The following OR5H6 variants were observed in gnomAD, a reference collection of about 807,000 sequenced individuals.
OR5H6 encodes olfactory receptor family 5 subfamily H member 6.
For missense variants in OR5H6, 429 were observed against 358.1 expected (o/e 1.20, Z -1.60); for synonymous variants, 151 against 127.7 (o/e 1.18, Z -1.23).
At position 98,265,251 on chromosome 3, in the gene OR5H6, A is replaced by G. The variant is rs759256270; in HGVS notation, c.919A>G (p.Ser307Gly). ...AGCTTCATTCACAAAAATGTTCAAA[A>G]GCAATGTTTAGATCTCATACAATCT... Reference protein sequence around the residue: ...VIASFTKMFKSNV With the variant: ...VIASFTKMFKGNV The change falls in exon 1 of 1, where the codon AGC (serine) becomes GGC (glycine). Residue 307 changes from serine (S) to glycine (G), a missense_variant. Ser to Gly is a moderately conservative substitution (Grantham distance 56, BLOSUM62 0). Transcript: ENST00000615035. 56 of 1,580,554 alleles carry G rather than the reference A, an allele frequency of 3.5e-5. No individual in the cohort carries two copies. Among genetic ancestry groups the G allele is most frequent in the Non-Finnish European group, 4.5e-5 (53 of 1,166,158 alleles).
chr3:98,265,198 T>TTTA lies in OR5H6; in HGVS notation c.866_867insTTA (p.Tyr290dup). The TTTA allele has an allele frequency of 6.2e-7, 1 of 1,605,916 alleles. No individual in the cohort carries two copies. Among genetic ancestry groups the TTTA allele is most frequent in the Non-Finnish European group, 8.5e-7 (1 of 1,177,306 alleles). On this transcript the variant is annotated inframe_insertion, in exon 1 of 1. Transcript: ENST00000615035. ...ATAGTTCCTTTATTAAATCCCATGA[T>TTTA]CTACAGCCTGAGAAACAAGCAAGTA...
chr3:98,264,282 C>T lies in OR5H6; in HGVS notation c.-51C>T, dbSNP rs1705845937. On this transcript the variant is annotated 5_prime_UTR_variant, in exon 1 of 1. Transcript: ENST00000615035. ...CCAATTTCAACTCACAATTCCATTGCAAATGTTCCTTTACCTTTGCTTCAT... is the reference window on the plus strand; with the variant it reads ...CCAATTTCAACTCACAATTCCATTGTAAATGTTCCTTTACCTTTGCTTCAT... 2.5e-6 allele frequency: 4 copies of T among 1,604,006 alleles called. No individual in the cohort carries two copies. The East Asian group carries it at 8.9e-5, about 36-fold the overall frequency.
rs375309853 is a variant in OR5H6 at position 98,264,642 on chromosome 3, C to T, written c.310C>T (p.Leu104Phe). 9.5e-6 allele frequency: 15 copies of T among 1,578,710 alleles called. No homozygotes were observed. In the Admixed American group the frequency reaches 1.9e-4, roughly 20 times the overall value. ...TGAATGCATGGTACAATTTTTTTCC[C>T]TTGTAACCACTGTAACCACAGAATG... ...LSECMVQFFS[L>F]VTTVTTECFL... The change falls in exon 1 of 1, where the codon CTT (leucine) becomes TTT (phenylalanine). Residue 104 changes from leucine to phenylalanine, a missense_variant. Leu to Phe is a conservative substitution (Grantham distance 22). Coordinates refer to ENST00000615035, the MANE Select transcript of OR5H6 (RefSeq NM_001005479.2).
chr3:98,265,300 T>C lies in OR5H6; in HGVS notation c.*38T>C. 6.6e-7 allele frequency: 1 copy of C among 1,526,134 alleles called. No homozygotes were observed. The highest frequency in any genetic ancestry group is 8.8e-7 in the Non-Finnish European group (1 of 1,141,120). 94.5% of individuals were successfully genotyped at this position (1,526,134 alleles called of 1,614,324 possible). ...CTCTCTTCTCTATTTACTAAAATTGTCCCAAGATTGTGCAAGTTAGAGGTG... is the reference window on the plus strand; with the variant it reads ...CTCTCTTCTCTATTTACTAAAATTGCCCCAAGATTGTGCAAGTTAGAGGTG... On this transcript the variant is annotated 3_prime_UTR_variant, in exon 1 of 1. Transcript: ENST00000615035.
rs938876985 is a variant in OR5H6, at chr3:98,264,658, C to T, written c.326C>T (p.Thr109Ile). 6.2e-7 allele frequency: 1 copy of T among 1,600,876 alleles called. No homozygotes were observed. Among genetic ancestry groups the T allele is most frequent in the East Asian group, 2.2e-5 (1 of 44,762 alleles). ...VQFFSLVTTVTTECFLLATMA... is the reference protein window; with the variant it reads ...VQFFSLVTTVITECFLLATMA... ...TTTTTTTCCCTTGTAACCACTGTAA[C>T]CACAGAATGTTTTCTCTTGGCAACA... The change falls in exon 1 of 1, where the codon ACC becomes ATC. Residue 109 changes from threonine (T) to isoleucine (I), a missense_variant. Coordinates refer to ENST00000615035, the MANE Select transcript of OR5H6 (RefSeq NM_001005479.2).
Position 98,264,628 on chromosome 3 carries a change from T to C in OR5H6, c.296T>C (p.Val99Ala), listed in dbSNP as rs780137177. ...ATGATATCTCTCTCTGAATGCATGGTACAATTTTTTTCCCTTGTAACCACT... is the reference window on the plus strand; with the variant it reads ...ATGATATCTCTCTCTGAATGCATGGCACAATTTTTTTCCCTTGTAACCACT... ...SKMISLSECM[V>A]QFFSLVTTVT... The change falls in exon 1 of 1, where the codon GTA becomes GCA. Residue 99 changes from valine to alanine, a missense_variant. Val to Ala is a moderately conservative substitution (Grantham distance 64). Coordinates refer to ENST00000615035, the MANE Select transcript of OR5H6 (RefSeq NM_001005479.2). 3 of 1,594,162 alleles carry C rather than the reference T, an allele frequency of 1.9e-6. No homozygotes were observed. The highest frequency in any genetic ancestry group is 1.4e-5 in the African/African-American group (1 of 73,042).
In OR5H6 at chr3:98,264,673, T is replaced by G. The variant is rs1224841135; in HGVS notation, c.341T>G (p.Leu114Arg). ...LVTTVTTECFLLATMAYDRYV... is the reference protein window; with the variant it reads ...LVTTVTTECFRLATMAYDRYV... ...ACCACTGTAACCACAGAATGTTTTC[T>G]CTTGGCAACAATGGCATATGATCGC... Residue 114 changes from leucine (L) to arginine (R), a missense_variant, in exon 1 of 1, where the codon CTC (leucine) becomes CGC (arginine). Leu to Arg is a moderately radical substitution (Grantham distance 102). Transcript: ENST00000615035. 1.2e-6 allele frequency: 2 copies of G among 1,613,130 alleles called. No homozygotes were observed. Among genetic ancestry groups the G allele is most frequent in the African/African-American group, 1.3e-5 (1 of 74,894 alleles).
chr3:98,265,089 G>A lies in OR5H6; in HGVS notation c.757G>A (p.Gly253Ser). The A allele has an allele frequency of 1.2e-6, 2 of 1,612,620 alleles. No individual in the cohort carries two copies. The highest frequency in any genetic ancestry group is 1.7e-6 in the Non-Finnish European group (2 of 1,179,370). Residue 253 changes from glycine (G) to serine (S), a missense_variant, in exon 1 of 1, where the codon GGC becomes AGC. Transcript: ENST00000615035. Reference protein sequence around the residue: ...AHLLSVSLYYGPLTFKYLGSA... With the variant: ...AHLLSVSLYYSPLTFKYLGSA... ...TCTCTTATCTGTATCTTTATACTAT[G>A]GCCCCCTCACCTTCAAATATCTGGG... is the stretch of plus-strand genomic sequence containing the variant.
chr3:98,264,441 A>T lies in OR5H6; in HGVS notation c.109A>T (p.Ile37Phe). Reference protein sequence around the residue: ...LFLAFLVIYLITIMGNLGLIV... With the variant: ...LFLAFLVIYLFTIMGNLGLIV... ...CCTGGCATTCTTGGTAATATATCTC[A>T]TCACCATCATGGGGAATCTTGGTCT... is the stretch of plus-strand genomic sequence containing the variant. The change falls in exon 1 of 1, where the codon ATC (isoleucine) becomes TTC (phenylalanine). Residue 37 changes from isoleucine to phenylalanine, a missense_variant. Coordinates refer to ENST00000615035, the MANE Select transcript of OR5H6 (RefSeq NM_001005479.2). 4 of 1,567,062 alleles carry T rather than the reference A, an allele frequency of 2.6e-6. No homozygotes were observed. In the African/African-American group the frequency reaches 5.4e-5, roughly 21 times the overall value.
chr3:98,265,283 T>A lies in OR5H6; in HGVS notation c.*21T>A. 1 of 1,535,540 alleles carries A rather than the reference T, an allele frequency of 6.5e-7. No homozygotes were observed. The highest frequency in any genetic ancestry group is 8.7e-7 in the Non-Finnish European group (1 of 1,145,626). On this transcript the variant is annotated 3_prime_UTR_variant, in exon 1 of 1. Transcript: ENST00000615035. ...TTTAGATCTCATACAATCTCTCTTC[T>A]CTATTTACTAAAATTGTCCCAAGAT... is the stretch of plus-strand genomic sequence containing the variant.
chr3:98,265,052 C>T lies in OR5H6; in HGVS notation c.720C>T (p.Thr240=), dbSNP rs967593771. ...AAGGGATACGAAAAGCTGTCTCCAC[C>T]TGTGGGGCTCATCTCTTATCTGTAT... The part of the protein sequence containing the change: ...SIKGIRKAVS[T]CGAHLLSVSL... Residue 240 remains threonine, a synonymous_variant, in exon 1 of 1, where the codon ACC becomes ACT. Coordinates refer to ENST00000615035, the MANE Select transcript of OR5H6 (RefSeq NM_001005479.2). 4.3e-6 allele frequency: 7 copies of T among 1,612,664 alleles called. No individual in the cohort carries two copies. The African/African-American group carries it at 8.0e-5, about 18-fold the overall frequency.
In OR5H6 at chr3:98,264,722, AC is replaced by A; in HGVS notation, c.391del (p.Leu131PhefsTer6). The A allele has an allele frequency of 6.2e-7, 1 of 1,613,280 alleles. No homozygotes were observed. The highest frequency in any genetic ancestry group is 8.5e-7 in the Non-Finnish European group (1 of 1,179,364). ...GCTATGTAGCCATTTGCAAAGCTTT[AC>A]TTTATCCAGTCATTATGACCAATGA... ...DRYVAICKAL[L>X]YPVIMTNELC... On this transcript the variant is annotated frameshift_variant, in exon 1 of 1. Transcript: ENST00000615035. LOFTEE classifies it low-confidence loss of function (END_TRUNC).
chr3:98,264,679 C>T lies in OR5H6; in HGVS notation c.347C>T (p.Ala116Val). 6.2e-7 allele frequency: 1 copy of T among 1,613,148 alleles called. No individual in the cohort carries two copies. Reference protein sequence around the residue: ...TTVTTECFLLATMAYDRYVAI... With the variant: ...TTVTTECFLLVTMAYDRYVAI... The stretch of plus-strand genomic sequence containing the variant: ...GTAACCACAGAATGTTTTCTCTTGG[C>T]AACAATGGCATATGATCGCTATGTA... Residue 116 changes from alanine (A) to valine (V), a missense_variant, in exon 1 of 1, where the codon GCA (alanine) becomes GTA (valine). Coordinates refer to ENST00000615035, the MANE Select transcript of OR5H6 (RefSeq NM_001005479.2).
Position 98,264,861 on chromosome 3 carries a change from T to A in OR5H6, c.529T>A (p.Phe177Ile). 1.2e-6 allele frequency: 2 copies of A among 1,610,750 alleles called. No homozygotes were observed. The highest frequency in any genetic ancestry group is 1.7e-6 in the Non-Finnish European group (2 of 1,178,230). ...TFCNSNIIQH[F>I]YCDIIPLLKI... ...CTGTAATTCCAACATAATACAACACTTTTACTGTGACATTATCCCATTGTT... is the reference window on the plus strand; with the variant it reads ...CTGTAATTCCAACATAATACAACACATTTACTGTGACATTATCCCATTGTT... The change falls in exon 1 of 1, where the codon TTT becomes ATT. Residue 177 changes from phenylalanine (F) to isoleucine (I), a missense_variant. Phe to Ile is a conservative substitution (Grantham distance 21). Transcript: ENST00000615035.
In OR5H6 at chr3:98,265,248, A is replaced by G. The variant is rs1354930766; in HGVS notation, c.916A>G (p.Lys306Glu). The change falls in exon 1 of 1, where the codon AAA becomes GAA. Residue 306 changes from lysine to glutamate, a missense_variant. By Grantham distance (56) the Lys-to-Glu change is moderately conservative (BLOSUM62 1). Coordinates refer to ENST00000615035, the MANE Select transcript of OR5H6 (RefSeq NM_001005479.2). ...QVIASFTKMFKSNV is the reference protein window; with the variant it reads ...QVIASFTKMFESNV ...AATAGCTTCATTCACAAAAATGTTC[A>G]AAAGCAATGTTTAGATCTCATACAA... The G allele has an allele frequency of 2.5e-6, 4 of 1,583,782 alleles. No homozygotes were observed. The African/African-American group carries it at 5.4e-5, about 22-fold the overall frequency.
chr3:98,265,039 A>G lies in OR5H6; in HGVS notation c.707A>G (p.Lys236Arg), dbSNP rs749703574. The change falls in exon 1 of 1, where the codon AAA (lysine) becomes AGA (arginine). Residue 236 changes from lysine to arginine, a missense_variant. Lys to Arg is a conservative substitution (Grantham distance 26, BLOSUM62 2). Coordinates refer to ENST00000615035, the MANE Select transcript of OR5H6 (RefSeq NM_001005479.2). ...LEKKSIKGIRKAVSTCGAHLL... is the reference protein window; with the variant it reads ...LEKKSIKGIRRAVSTCGAHLL... Reference sequence around the variant, plus strand: ...AAGAAGTCTATCAAAGGGATACGAAAAGCTGTCTCCACCTGTGGGGCTCAT... The same window carrying G: ...AAGAAGTCTATCAAAGGGATACGAAGAGCTGTCTCCACCTGTGGGGCTCAT... 2 of 1,612,910 alleles carry G rather than the reference A, an allele frequency of 1.2e-6. No individual in the cohort carries two copies. The highest frequency in any genetic ancestry group is 4.5e-5 in the East Asian group (2 of 44,860).
chr3:98,264,854 A>T lies in OR5H6; in HGVS notation c.522A>T (p.Ile174=), dbSNP rs1319460883. The change falls in exon 1 of 1, where the codon ATA becomes ATT. Residue 174 remains isoleucine, a synonymous_variant. Transcript: ENST00000615035. Reference sequence around the variant, plus strand: ...TAACCTTCTGTAATTCCAACATAATACAACACTTTTACTGTGACATTATCC... The same window carrying T: ...TAACCTTCTGTAATTCCAACATAATTCAACACTTTTACTGTGACATTATCC... ...FRLTFCNSNI[I]QHFYCDIIPL... 1 of 1,610,854 alleles carries T rather than the reference A, an allele frequency of 6.2e-7. No homozygotes were observed. The highest frequency in any genetic ancestry group is 8.5e-7 in the Non-Finnish European group (1 of 1,178,346).
chr3:98,265,019 G>A lies in OR5H6; in HGVS notation c.687G>A (p.Lys229=), dbSNP rs775539067. 5.4e-5 allele frequency: 87 copies of A among 1,612,750 alleles called. No homozygotes were observed. The highest frequency in any genetic ancestry group is 7.0e-5 in the Non-Finnish European group (83 of 1,179,358). ...TCCTCTTTACAATCTTAGAAAAGAA[G>A]TCTATCAAAGGGATACGAAAAGCTG... The part of the protein sequence containing the change: ...TIILFTILEK[K]SIKGIRKAVS... The change falls in exon 1 of 1, where the codon AAG becomes AAA. Residue 229 remains lysine (K), a synonymous_variant. Transcript: ENST00000615035.
rs754649659 is a variant in OR5H6, at chr3:98,264,868, G to A, written c.536G>A (p.Cys179Tyr). Residue 179 changes from cysteine (C) to tyrosine (Y), a missense_variant, in exon 1 of 1, where the codon TGT becomes TAT. Physicochemically the swap from Cys to Tyr is radical, Grantham distance 194. Coordinates refer to ENST00000615035, the MANE Select transcript of OR5H6 (RefSeq NM_001005479.2). ...CNSNIIQHFY[C>Y]DIIPLLKISC... is the part of the protein sequence containing the mutation. ...TCCAACATAATACAACACTTTTACT[G>A]TGACATTATCCCATTGTTAAAGATT... is the stretch of plus-strand genomic sequence containing the variant. The A allele has an allele frequency of 1.6e-5, 25 of 1,609,892 alleles. No homozygotes were observed. The highest frequency in any genetic ancestry group is 2.2e-5 in the East Asian group (1 of 44,844).
Sources: allele counts gnomAD v4.1 joint callset, GRCh38; gene constraint gnomAD v4.1.1; transcripts MANE v1.5; gene names NCBI Gene and HGNC (gene_info 2026-07-23, HGNC 2026-07-21).